Variants in WWOX observed in about 807,000 individuals in gnomAD.
WWOX encodes the protein WW domain-containing oxidoreductase.
Under a neutral mutation model 46.2 loss-of-function variants are expected in WWOX, and 69 were observed. The observed-to-expected ratio is 1.49, with a 90% CI of 1.23 to 1.82. WWOX has a LOEUF of 1.82. Among genes scored for constraint, WWOX ranks in the 40% most tolerant of loss-of-function variants. WWOX has a pLI of 0.00. For synonymous variants in WWOX, 359 were observed against 202.6 expected (o/e 1.77, Z -6.56); for missense variants, 919 against 542.6 (o/e 1.69, Z -6.89).
intron 5 of WWOX, among the ~76,000 whole-genome samples, chr16:78,183,747 T>C (rs1159371636): frequency 6.6e-6 from 1 of 152,142 alleles, no homozygotes; most frequent in Non-Finnish European, 1.5e-5. Flanking sequence ...CCACCTTTCC[T>C]TCTTCCCATC....
At chr16:79,151,839 C>T (rs1000656876) in intron 8 of WWOX, among the ~76,000 whole-genome samples, 17 of 152,182 alleles carry the variant, frequency 1.1e-4, no homozygotes, top group South Asian at 4.1e-4. Context: ...GAAGTTTTGA[C>T]GCTAATGTGA....
chr16:78,134,982 G>T (rs1006755977), intron 4 of WWOX, among the ~76,000 whole-genome samples: 19 of 152,208 alleles, frequency 1.2e-4, no homozygotes, highest in African/African-American at 4.6e-4. Context: ...GTGAGAACGG[G>T]AGAGGGCAGA....
chr16:78,293,604 A>G (rs1328163223), intron 5 of WWOX, among the ~76,000 whole-genome samples: 1 of 152,066 alleles, frequency 6.6e-6, no homozygotes, highest in Admixed American at 6.6e-5. Context: ...ATAAAGTGGA[A>G]TCTCCATTTC....
At chr16:78,937,584 C>G (rs190051578) in intron 8 of WWOX, among the ~76,000 whole-genome samples, 1 of 149,106 alleles carries the variant, frequency 6.7e-6, no homozygotes, top group Admixed American at 6.7e-5. Flanking sequence ...CATCTGCCAC[C>G]GTGCCCAGCT....
intron 8 of WWOX, among the ~76,000 whole-genome samples, chr16:79,053,077 C>T (rs1042197498): frequency 6.6e-6 from 1 of 151,394 alleles, no homozygotes; most frequent in Non-Finnish European, 1.5e-5. Flanking sequence ...TAGTTAAAGA[C>T]CATGCAAAAA....
intron 8 of WWOX, chr16:78,825,438 C>A (rs143332912): frequency 5.7e-6 from 2 of 353,488 alleles, no homozygotes; most frequent in African/African-American, 2.1e-5. Context: ...TCTTAGCCAA[C>A]AGAACAAAAA....
intron 8 of WWOX, chr16:79,110,594 C>T (rs886287713): frequency 2.0e-5 from 3 of 152,254 alleles, no homozygotes; most frequent in African/African-American, 4.8e-5. Context: ...CATTTCCCTC[C>T]ACCTCCAACA....
chr16:79,153,158 C>T (rs2050314349), intron 8 of WWOX, among the ~76,000 whole-genome samples: 2 of 152,150 alleles, frequency 1.3e-5, no homozygotes, highest in Non-Finnish European at 2.9e-5. Flanking sequence ...GCCAAGAAAT[C>T]TTGAGAGGCA....
At chr16:78,842,780 A>C (rs2052194329) in intron 8 of WWOX, among the ~76,000 whole-genome samples, 1 of 132,732 alleles carries the variant, frequency 7.5e-6, no homozygotes, top group African/African-American at 2.5e-5. Context: ...TGAGCCCAGG[A>C]GGCGGAGGTT....
chr16:78,370,478 C>T (rs1737155518), intron 5 of WWOX, among the ~76,000 whole-genome samples: 1 of 124,910 alleles, frequency 8.0e-6, no homozygotes, highest in African/African-American at 3.2e-5. Flanking sequence ...GAGACGTATG[C>T]TGGGGGTATC....
At chr16:78,704,129 C>T (rs1181331251) in intron 8 of WWOX, among the ~76,000 whole-genome samples, 6 of 151,548 alleles carry the variant, frequency 4.0e-5, no homozygotes, top group South Asian at 4.2e-4. Context: ...AAGGGGCAGG[C>T]TGTGATTTTT....
intron 5 of WWOX, among the ~76,000 whole-genome samples, chr16:78,180,254 A>G (rs1352765071): frequency 6.6e-6 from 1 of 152,216 alleles, no homozygotes; most frequent in Non-Finnish European, 1.5e-5. Flanking sequence ...ACTGTGATGC[A>G]GAGTGGACTC....
chr16:78,487,377 A>G (rs1454364245), intron 8 of WWOX, among the ~76,000 whole-genome samples: 4 of 152,182 alleles, frequency 2.6e-5, no homozygotes, highest in African/African-American at 7.2e-5. Flanking sequence ...TCCGTATCCC[A>G]TCTACTAATA....
intron 8 of WWOX, among the ~76,000 whole-genome samples, chr16:78,645,591 A>G (rs1168308963): frequency 1.3e-5 from 2 of 152,140 alleles, no homozygotes; most frequent in Non-Finnish European, 2.9e-5. Context: ...TTCAGAGAAC[A>G]TATAGGGAGA....
intron 8 of WWOX, among the ~76,000 whole-genome samples, chr16:78,497,714 C>T (rs550182968): frequency 6.6e-6 from 1 of 152,238 alleles, no homozygotes; most frequent in African/African-American, 2.4e-5. Context: ...ATTGGATTTC[C>T]AAAATGTGGA....
At chr16:78,626,845 G>T (rs959985402) in intron 8 of WWOX, among the ~76,000 whole-genome samples, 2 of 151,996 alleles carry the variant, frequency 1.3e-5, no homozygotes, top group Admixed American at 6.6e-5. Flanking sequence ...TTTATTTTAT[G>T]CTTTATGTTA....
chr16:78,979,708 G>C (rs2046644195), intron 8 of WWOX, among the ~76,000 whole-genome samples: 1 of 152,112 alleles, frequency 6.6e-6, no homozygotes. Flanking sequence ...CATGCTTGAG[G>C]CATGAGATGC....
intron 4 of WWOX, among the ~76,000 whole-genome samples, chr16:78,146,525 C>T (rs1468443608): frequency 2.0e-5 from 3 of 152,044 alleles, no homozygotes; most frequent in Admixed American, 6.6e-5. Flanking sequence ...AAGCAGGTGC[C>T]TGATCACAGC....
At chr16:78,803,335 C>G (rs188728957) in intron 8 of WWOX, among the ~76,000 whole-genome samples, 1 of 152,012 alleles carries the variant, frequency 6.6e-6, no homozygotes, top group Non-Finnish European at 1.5e-5. Flanking sequence ...AGTCTATAGT[C>G]AAATTGCTCT....
Sources: allele counts gnomAD v4.1 joint callset (sites outside exome capture counted in the v4.1 genomes callset), GRCh38; gene constraint gnomAD v4.1.1; transcripts MANE v1.5; gene names NCBI Gene and HGNC (gene_info 2026-07-23, HGNC 2026-07-21).